GABRB2: variants seen among roughly 807,000 people sequenced by gnomAD.
GABRB2 encodes the protein gamma-aminobutyric acid receptor subunit beta-2.
GABRB2 carries 16 observed loss-of-function variants against 54.7 expected under a neutral mutation model. That is an observed-to-expected ratio of 0.29 (90% confidence interval 0.20 to 0.44). The LOEUF (loss-of-function observed/expected upper bound fraction) is 0.44, where lower values mean the gene tolerates loss of function less well. GABRB2 is among the 20% of genes least tolerant of loss of function. GABRB2 has a pLI of 1.00. For missense variants in GABRB2, 355 were observed against 644.0 expected (o/e 0.55, Z 4.86); for synonymous variants, 244 against 233.8 (o/e 1.04, Z -0.40).
chr5:161,513,067 AC>A (rs202002445), intron 3 of GABRB2, among the ~76,000 whole-genome samples: 26 of 151,370 alleles, frequency 1.7e-4, no homozygotes, highest in African/African-American at 5.8e-4. Context: ...AAAAAAAAAA[AC>A]AAAAAAACAA....
At chr5:161,343,124 C>G (rs1367921648) in intron 5 of GABRB2, among the ~76,000 whole-genome samples, 1 of 152,020 alleles carries the variant, frequency 6.6e-6, no homozygotes, top group African/African-American at 2.4e-5. Context: ...AACTCAATAT[C>G]GAAAGTGTTC....
chr5:161,466,976 G>A (rs1758299635), intron 3 of GABRB2, among the ~76,000 whole-genome samples: 1 of 152,010 alleles, frequency 6.6e-6, no homozygotes. Flanking sequence ...TAAGGGGTTG[G>A]TTTCACATGT....
intron 3 of GABRB2, among the ~76,000 whole-genome samples, chr5:161,517,298 G>A (rs10068375): frequency 1 from 151,951 of 152,292 alleles, 75,807 homozygotes; most frequent in East Asian, 1. Flanking sequence ...TAGGATATAC[G>A]GGCTTCTCAG....
intron 3 of GABRB2, among the ~76,000 whole-genome samples, chr5:161,480,613 A>G (rs1758734388): frequency 6.6e-6 from 1 of 152,052 alleles, no homozygotes. Flanking sequence ...AACACAGGAA[A>G]CAAATAACAG....
At chr5:161,447,693 C>T (rs551721728) in intron 4 of GABRB2, among the ~76,000 whole-genome samples, 10 of 152,258 alleles carry the variant, frequency 6.6e-5, no homozygotes, top group African/African-American at 2.4e-4. Flanking sequence ...AATAAGGAGA[C>T]AGGAATGAGG....
Position 161,397,445 on chromosome 5 carries a change from A to G in GABRB2, c.541+13530T>C, listed in dbSNP as rs115789133. On this transcript the variant is annotated intron_variant, in intron 5 of 9. Coordinates refer to ENST00000393959, the MANE Select transcript of GABRB2 (RefSeq NM_001371727.1). Reference sequence around the variant, plus strand: ...AAGTATAAGCAAAATTCCTCAATAAATAACCATAATAAATATTTATTTCTA... The same window carrying G: ...AAGTATAAGCAAAATTCCTCAATAAGTAACCATAATAAATATTTATTTCTA... 6.6e-3 allele frequency among the ~76,000 whole-genome samples: 1,000 copies of G among 152,314 alleles called. 21 individuals carry two copies. Among genetic ancestry groups the G allele is most frequent in the African/African-American group, 0.023 (941 of 41,566 alleles).
At chr5:161,485,865 G>A (rs1758907532) in intron 3 of GABRB2, among the ~76,000 whole-genome samples, 1 of 151,922 alleles carries the variant, frequency 6.6e-6, no homozygotes, top group Admixed American at 6.6e-5. Flanking sequence ...AGAGTGATTT[G>A]TGGGGTGTTG....
chr5:161,291,724 T>C lies in GABRB2; in HGVS notation c.*2357A>G, dbSNP rs1209952224. On this transcript the variant is annotated 3_prime_UTR_variant, in exon 10 of 10. Transcript: ENST00000393959. ...TCTAAAATTTTGTTGTAATCATAAA[T>C]GGCAATATCAAAGATTTTTATGGCT... The C allele has an allele frequency of 6.6e-6, 1 of 152,650 alleles. No homozygotes were observed. Among genetic ancestry groups the C allele is most frequent in the Admixed American group, 6.5e-5 (1 of 15,272 alleles). The allele number at this position is 152,650 out of a possible 1,614,324, so 9.5% of individuals were successfully genotyped here.
intron 3 of GABRB2, among the ~76,000 whole-genome samples, chr5:161,531,696 TCCATTATTAA>T (rs1217172808): frequency 2.6e-5 from 4 of 151,846 alleles, no homozygotes; most frequent in African/African-American, 9.7e-5. Flanking sequence ...ACTGTAATCT[TCCATTATTAA>T]TCACTATATT....
chr5:161,516,471 C>T (rs1759951914), intron 3 of GABRB2, among the ~76,000 whole-genome samples: 1 of 151,928 alleles, frequency 6.6e-6, no homozygotes, highest in Non-Finnish European at 1.5e-5. Flanking sequence ...CCTTCTATGC[C>T]CGTATTACAG....
At chr5:161,446,987 T>C (rs1212032995) in intron 4 of GABRB2, among the ~76,000 whole-genome samples, 3 of 151,868 alleles carry the variant, frequency 2.0e-5, no homozygotes, top group African/African-American at 7.3e-5. Flanking sequence ...AAAAAAGTCA[T>C]CTCCCTCTTA....
At chr5:161,422,524 T>C (rs542034024) in intron 4 of GABRB2, among the ~76,000 whole-genome samples, 1 of 152,184 alleles carries the variant, frequency 6.6e-6, no homozygotes, top group Non-Finnish European at 1.5e-5. Context: ...TTCACATTTA[T>C]TTAAAAAGGT....
intron 3 of GABRB2, among the ~76,000 whole-genome samples, chr5:161,543,366 A>G (rs1293136126): frequency 6.6e-6 from 1 of 152,200 alleles, no homozygotes; most frequent in Non-Finnish European, 1.5e-5. Flanking sequence ...ACCACTCTAA[A>G]CAATGTTAGG....
chr5:161,449,110 CA>C (rs1466818788), intron 4 of GABRB2, among the ~76,000 whole-genome samples: 1 of 152,152 alleles, frequency 6.6e-6, no homozygotes, highest in African/African-American at 2.4e-5. Context: ...CCTGCTTTCT[CA>C]AGAGTCTTTT....
rs989307749 is a variant in GABRB2, at chr5:161,399,869, G to A, written c.541+11106C>T. 3.3e-5 allele frequency among the ~76,000 whole-genome samples: 5 copies of A among 152,234 alleles called. No homozygotes were observed. In the South Asian group the frequency reaches 1.0e-3, roughly 32 times the overall value. On this transcript the variant is annotated intron_variant, in intron 5 of 9. Transcript: ENST00000393959. ...GGGTTGGGTGAGATCTTGTTTGTAAGTACACAGCACAAGATCTGGCACAAA... is the reference window on the plus strand; with the variant it reads ...GGGTTGGGTGAGATCTTGTTTGTAAATACACAGCACAAGATCTGGCACAAA...
intron 3 of GABRB2, among the ~76,000 whole-genome samples, chr5:161,485,516 C>T (rs974425700): frequency 1.3e-5 from 2 of 151,870 alleles, no homozygotes; most frequent in African/African-American, 4.8e-5. Context: ...CTGCCCTGAC[C>T]TCTACTGAAT....
chr5:161,386,659 C>T (rs990798167), intron 5 of GABRB2, among the ~76,000 whole-genome samples: 1 of 151,928 alleles, frequency 6.6e-6, no homozygotes, highest in Non-Finnish European at 1.5e-5. Flanking sequence ...CCATCCTCGC[C>T]CCAGTGCTCC....
Position 161,334,744 on chromosome 5 carries a change from T to C in GABRB2, c.832+8A>G. 6.2e-7 allele frequency: 1 copy of C among 1,612,762 alleles called. No individual in the cohort carries two copies. Among genetic ancestry groups the C allele is most frequent in the Non-Finnish European group, 8.5e-7 (1 of 1,179,458 alleles). On this transcript the variant is annotated splice_region_variant and intron_variant, in intron 7 of 9. Transcript: ENST00000393959. ...TCAAAATCCACAAGCAGTAATAAAA[T>C]GGCCTACCTAATGCCACCCTTGCAG...
At chr5:161,450,795 T>A (rs1757768551) in intron 4 of GABRB2, among the ~76,000 whole-genome samples, 1 of 152,160 alleles carries the variant, frequency 6.6e-6, no homozygotes. Context: ...ATGGAAAACA[T>A]ATTTTTTAAA....
Sources: gnomAD v4.1 joint callset for allele counts (sites outside exome capture counted in the v4.1 genomes callset) on GRCh38, gnomAD v4.1.1 for gene constraint, MANE v1.5 for transcripts, NCBI Gene and HGNC (gene_info 2026-07-23, HGNC 2026-07-21) for gene names.